FOXK1: variants seen among roughly 807,000 people sequenced by gnomAD.
FOXK1 encodes forkhead box K1.
Under a neutral mutation model 51.9 loss-of-function variants are expected in FOXK1, and 19 were observed. That is an observed-to-expected ratio of 0.37 (90% CI 0.26 to 0.54). FOXK1 has a LOEUF of 0.54. Among genes scored for constraint, FOXK1 ranks in the 20% least tolerant of loss-of-function variants. The pLI, the probability that FOXK1 is intolerant of heterozygous loss-of-function variation, is 0.87. For missense variants in FOXK1, 870 were observed against 1,032.7 expected (o/e 0.84, Z 2.16); for synonymous variants, 537 against 482.6 (o/e 1.11, Z -1.48).
intron 1 of FOXK1, among the ~76,000 whole-genome samples, chr7:4,696,582 AAGCTGCG>A (rs1183906046): frequency 2.0e-5 from 3 of 152,162 alleles, no homozygotes; most frequent in Non-Finnish European, 4.4e-5. Context: ...CGTCTCCCAG[AAGCTGCG>A]AGTCCCTCGA....
At chr7:4,691,492 G>A (rs1298045367) in intron 1 of FOXK1, among the ~76,000 whole-genome samples, 1 of 152,038 alleles carries the variant, frequency 6.6e-6, no homozygotes, top group Non-Finnish European at 1.5e-5. Context: ...CTGCCACCAC[G>A]CCCAGCTAAT....
Position 4,761,391 on chromosome 7 carries a change from T to G in FOXK1, c.1921+103T>G, listed in dbSNP as rs1780931084. 1 of 1,182,586 alleles carries G rather than the reference T, an allele frequency of 8.5e-7. No individual in the cohort carries two copies. The highest frequency in any genetic ancestry group is 1.2e-6 in the Non-Finnish European group (1 of 837,592). The allele number at this position is 1,182,586 out of a possible 1,614,324, so 73.3% of individuals were successfully genotyped here. On this transcript the variant is annotated intron_variant, in intron 8 of 8. Transcript: ENST00000328914. The surrounding 1 kb of genome is among the most constrained non-coding windows in gnomAD (Gnocchi z 6.2). ...CTCCCAGTATCTCCCGATCCTCCAC[T>G]CAGTTCAATTTATTGAGCACCTGCT...
At chr7:4,752,763 G>C (rs1027607340) in intron 2 of FOXK1, among the ~76,000 whole-genome samples, 1 of 152,174 alleles carries the variant, frequency 6.6e-6, no homozygotes, top group Non-Finnish European at 1.5e-5. Context: ...TTTGGGTCTG[G>C]GACCGGGTGC....
intron 2 of FOXK1, among the ~76,000 whole-genome samples, chr7:4,744,600 G>C (rs528571236): frequency 3.3e-5 from 5 of 152,334 alleles, no homozygotes; most frequent in African/African-American, 1.2e-4. Context: ...TTTTATAGCT[G>C]GGAGTAAAGA....
At chr7:4,685,632 G>T (rs1385385656) in intron 1 of FOXK1, among the ~76,000 whole-genome samples, 1 of 151,248 alleles carries the variant, frequency 6.6e-6, no homozygotes, top group African/African-American at 2.4e-5. Context: ...CTTAAGCCTG[G>T]ACTACATTTG....
intron 1 of FOXK1, among the ~76,000 whole-genome samples, chr7:4,698,519 A>T (rs1423823005): frequency 6.6e-6 from 1 of 152,136 alleles, no homozygotes; most frequent in African/African-American, 2.4e-5. Context: ...TGATGATCCC[A>T]TATGATTAGC....
chr7:4,754,277 G>C (rs1038622993), intron 2 of FOXK1, among the ~76,000 whole-genome samples, 182 bp from the exon 3 acceptor site: 1 of 152,234 alleles, frequency 6.6e-6, no homozygotes, highest in Non-Finnish European at 1.5e-5. Context: ...CTTGCCTGCC[G>C]TTTCCAGCAT....
chr7:4,764,544 C>G lies in FOXK1; in HGVS notation c.*2080C>G, dbSNP rs1444031624. 6.5e-6 allele frequency: 1 copy of G among 153,282 alleles called. No individual in the cohort carries two copies. Among genetic ancestry groups the G allele is most frequent in the Non-Finnish European group, 1.5e-5 (1 of 68,882 alleles). 9.5% of individuals were successfully genotyped at this position (153,282 alleles called of 1,614,324 possible). The stretch of plus-strand genomic sequence containing the variant: ...TTCTTTCCGTGGTGCCTGGTGTGTG[C>G]GTGCATGGCGTGAGAGAACGGGGGG... On this transcript the variant is annotated 3_prime_UTR_variant, in exon 9 of 9. Coordinates refer to ENST00000328914, the MANE Select transcript of FOXK1 (RefSeq NM_001037165.2).
intron 1 of FOXK1, among the ~76,000 whole-genome samples, chr7:4,738,183 T>C (rs1055006565): frequency 6.7e-5 from 10 of 149,072 alleles, no homozygotes; most frequent in Non-Finnish European, 1.3e-4. Context: ...ATGCCTATAA[T>C]CCCAGCACTT....
rs913236052 is a variant in FOXK1 at position 4,707,154 on chromosome 7, C to T, written c.560+24286C>T. On this transcript the variant is annotated intron_variant, in intron 1 of 8. Transcript: ENST00000328914. The surrounding 1 kb of genome is among the most constrained non-coding windows in gnomAD (Gnocchi z 4.1). ...GGGTTTCCCATGATGTTACGTTGCC[C>T]TCTTTGTTACCACCCCTGGTGCGGT... 6.6e-6 allele frequency among the ~76,000 whole-genome samples: 1 copy of T among 152,176 alleles called. No individual in the cohort carries two copies. Among genetic ancestry groups the T allele is most frequent in the Non-Finnish European group, 1.5e-5 (1 of 68,030 alleles).
chr7:4,690,345 C>T (rs1030767683), intron 1 of FOXK1, among the ~76,000 whole-genome samples: 1 of 152,226 alleles, frequency 6.6e-6, no homozygotes. Flanking sequence ...AAATGAAATG[C>T]GGCATCTCCA....
intron 1 of FOXK1, among the ~76,000 whole-genome samples, chr7:4,732,475 T>G (rs1333529631): frequency 1.3e-5 from 2 of 152,144 alleles, no homozygotes; most frequent in Non-Finnish European, 2.9e-5. Context: ...TAAACAATTT[T>G]TAGAGACAGG....
At chr7:4,684,248 A>T (rs775952472) in intron 1 of FOXK1, among the ~76,000 whole-genome samples, 1 of 152,068 alleles carries the variant, frequency 6.6e-6, no homozygotes, top group Non-Finnish European at 1.5e-5. Context: ...TATTTCTTCA[A>T]TGTGGTTCTT....
In FOXK1 at chr7:4,735,639, C is replaced by G. The variant is rs56030601; in HGVS notation, c.561-5199C>G. ...CTCGTACAGGAACCTTTCCGCCGGG[C>G]TGGTGGACGGAGATTTCTACTCTGT... On this transcript the variant is annotated intron_variant, in intron 1 of 8. Transcript: ENST00000328914. The surrounding 1 kb of genome is among the most constrained non-coding windows in gnomAD (Gnocchi z 4.7). Among the ~76,000 whole-genome samples the G allele has an allele frequency of 2.0e-5, 3 of 152,184 alleles. No individual in the cohort carries two copies. The highest frequency in any genetic ancestry group is 4.4e-5 in the Non-Finnish European group (3 of 68,042).
intron 1 of FOXK1, among the ~76,000 whole-genome samples, chr7:4,717,299 G>A (rs1300125257): frequency 2.1e-5 from 3 of 140,738 alleles, no homozygotes; most frequent in Non-Finnish European, 4.7e-5. Context: ...GGAGGCGTGT[G>A]GATGGAAGGT....
Position 4,748,863 on chromosome 7 carries a change from G to A in FOXK1, c.747-5596G>A, listed in dbSNP as rs995091390. On this transcript the variant is annotated intron_variant, in intron 2 of 8. Transcript: ENST00000328914. This position sits in a 1 kb window ranked among gnomAD's most constrained non-coding sequence, Gnocchi z 4.9. ...CCGGCTAATTTTTGTATTTTTTGTA[G>A]AGGTGGGGTCTCCCCATGTTGCCCA... Among the ~76,000 whole-genome samples the A allele has an allele frequency of 3.2e-4, 49 of 152,224 alleles. 1 individual carries two copies. Among genetic ancestry groups the A allele is most frequent in the African/African-American group, 1.2e-3 (49 of 41,544 alleles).
chr7:4,697,225 A>G (rs1404150907), intron 1 of FOXK1, among the ~76,000 whole-genome samples: 1 of 152,192 alleles, frequency 6.6e-6, no homozygotes, highest in Non-Finnish European at 1.5e-5. Flanking sequence ...CAGGCCCAGA[A>G]GTAGCATATC....
intron 2 of FOXK1, among the ~76,000 whole-genome samples, chr7:4,742,088 C>T (rs1024519316): frequency 1.3e-4 from 20 of 152,272 alleles, no homozygotes; most frequent in Non-Finnish European, 2.8e-4. Flanking sequence ...GGTTTGGTGC[C>T]GGAGCTGTGG....
chr7:4,716,314 ACATAGCAAGACCCTGTTT>A (rs1780233951), intron 1 of FOXK1, among the ~76,000 whole-genome samples: 2 of 152,106 alleles, frequency 1.3e-5, no homozygotes, highest in Admixed American at 1.3e-4. Context: ...AGCCTGGGTA[ACATAGCAAGACCCTGTTT>A]CTACAAAAAA....
Sources: gnomAD v4.1 joint callset for allele counts (sites outside exome capture counted in the v4.1 genomes callset) on GRCh38, gnomAD v4.1.1 for gene constraint, Gnocchi (gnomAD v3.1) non-coding constraint, MANE v1.5 for transcripts, NCBI Gene and HGNC (gene_info 2026-07-23, HGNC 2026-07-21) for gene names.